The following EPHA6 variants were observed in gnomAD, a reference collection of about 807,000 sequenced individuals.
EPHA6 encodes the protein ephrin type-A receptor 6.
A neutral mutation model predicts 112.0 loss-of-function variants in EPHA6; 50 were observed. That is an observed-to-expected ratio of 0.45 (90% confidence interval 0.36 to 0.56). The LOEUF is 0.56. EPHA6 is among the 20% of genes least tolerant of loss of function. EPHA6 has a pLI of 0.00. For missense variants in EPHA6, 1,280 were observed against 1,417.4 expected (o/e 0.90, Z 1.56); for synonymous variants, 529 against 490.7 (o/e 1.08, Z -1.03).
intron 13 of EPHA6, among the ~76,000 whole-genome samples, chr3:97,623,802 C>T (rs1336917633): frequency 6.6e-6 from 1 of 151,600 alleles, no homozygotes; most frequent in South Asian, 2.1e-4. Context: ...TACATCCAAG[C>T]CATAGCAATC....
At chr3:97,216,959 T>C (rs1235586764) in intron 3 of EPHA6, among the ~76,000 whole-genome samples, 1 of 152,166 alleles carries the variant, frequency 6.6e-6, no homozygotes, top group Non-Finnish European at 1.5e-5. Flanking sequence ...ACTTCTACTA[T>C]CTGAGATAAG....
intron 2 of EPHA6, among the ~76,000 whole-genome samples, chr3:96,903,283 C>G (rs754596091): frequency 6.8e-4 from 104 of 152,074 alleles, no homozygotes; most frequent in Non-Finnish European, 1.4e-3. Context: ...GGGGCAAAGG[C>G]AAGAGTTGTA....
chr3:97,702,134 T>C (rs968458910), intron 14 of EPHA6, among the ~76,000 whole-genome samples: 15 of 152,206 alleles, frequency 9.9e-5, no homozygotes, highest in South Asian at 4.1e-4. Flanking sequence ...ATGATTGTAG[T>C]ACAAATTTTA....
At chr3:97,687,802 C>T (rs1007436160) in intron 14 of EPHA6, among the ~76,000 whole-genome samples, 10 of 152,320 alleles carry the variant, frequency 6.6e-5, no homozygotes, top group Admixed American at 5.9e-4. Flanking sequence ...GGCAGCTCTA[C>T]TTAAAATGTC....
In EPHA6 at chr3:97,751,012, T is replaced by C. The variant is rs1345756954; in HGVS notation, c.*2311T>C. ...ACTTAGAAGAAATATAAAATTTCCA[T>C]ATTTACCTATCTTCAAATATATATT... On this transcript the variant is annotated 3_prime_UTR_variant, in exon 18 of 18. Transcript: ENST00000389672. Among the ~76,000 whole-genome samples, 1 of 152,098 alleles carries C rather than the reference T, an allele frequency of 6.6e-6. No individual in the cohort carries two copies. The highest frequency in any genetic ancestry group is 2.4e-5 in the African/African-American group (1 of 41,430).
At chr3:96,985,882 G>A (rs752452289) in intron 2 of EPHA6, among the ~76,000 whole-genome samples, 3 of 152,092 alleles carry the variant, frequency 2.0e-5, no homozygotes, top group Non-Finnish European at 4.4e-5. Context: ...CCTTGATTTA[G>A]TAACTCTCTA....
intron 2 of EPHA6, among the ~76,000 whole-genome samples, chr3:96,939,248 C>G (rs141239291): frequency 0.25 from 38,510 of 151,884 alleles, 9,131 homozygotes; most frequent in African/African-American, 0.6. Context: ...GAATCTTTTT[C>G]GTTGGTAAGC....
rs538147589 is a variant in EPHA6 at position 96,830,739 on chromosome 3, TAGAA to T, written c.385+15735_385+15738del. 9.8e-4 allele frequency among the ~76,000 whole-genome samples: 149 copies of T among 152,004 alleles called. 1 individual carries two copies. Among genetic ancestry groups the T allele is most frequent in the African/African-American group, 3.3e-3 (136 of 41,490 alleles). Reference sequence around the variant, plus strand: ...TATAAATAATCTGTTTTAAAAATAATAGAAAGATTATTTGGAGAACAATTCTTAG... The same window carrying T: ...TATAAATAATCTGTTTTAAAAATAATAGATTATTTGGAGAACAATTCTTAG... On this transcript the variant is annotated intron_variant, in intron 1 of 17. Coordinates refer to ENST00000389672, the MANE Select transcript of EPHA6 (RefSeq NM_001080448.3).
At chr3:96,874,894 G>C (rs1228653899) in intron 2 of EPHA6, among the ~76,000 whole-genome samples, 1 of 152,044 alleles carries the variant, frequency 6.6e-6, no homozygotes, top group Non-Finnish European at 1.5e-5. Context: ...TCATGTGCAA[G>C]TAACAGTTCT....
chr3:97,514,019 A>T (rs1251679028), intron 10 of EPHA6, among the ~76,000 whole-genome samples: 2 of 152,206 alleles, frequency 1.3e-5, no homozygotes, highest in African/African-American at 4.8e-5. Flanking sequence ...GGAAACTAAT[A>T]TTGAGAATTT....
At chr3:97,418,776 A>G (rs2107172950) in intron 6 of EPHA6, among the ~76,000 whole-genome samples, 1 of 152,310 alleles carries the variant, frequency 6.6e-6, no homozygotes, top group South Asian at 2.1e-4. Flanking sequence ...CTGAAAAAAT[A>G]CATGTATAAA....
chr3:97,101,336 T>C (rs1235452113), intron 3 of EPHA6, among the ~76,000 whole-genome samples: 1 of 152,076 alleles, frequency 6.6e-6, no homozygotes, highest in Non-Finnish European at 1.5e-5. Context: ...TAGGATGAAC[T>C]CAACTACAAA....
intron 3 of EPHA6, among the ~76,000 whole-genome samples, chr3:97,019,589 G>A (rs2044381662): frequency 6.6e-6 from 1 of 152,090 alleles, no homozygotes; most frequent in South Asian, 2.1e-4. Flanking sequence ...ATAAGTTGGA[G>A]CAATGTTGGG....
At chr3:96,977,442 C>A (rs1248336400) in intron 2 of EPHA6, among the ~76,000 whole-genome samples, 1 of 152,056 alleles carries the variant, frequency 6.6e-6, no homozygotes, top group African/African-American at 2.4e-5. Context: ...GTGATGAGTA[C>A]ACTAAAGCCC....
At chr3:97,623,638 G>A (rs1229836514) in intron 13 of EPHA6, among the ~76,000 whole-genome samples, 1 of 151,546 alleles carries the variant, frequency 6.6e-6, no homozygotes, top group Non-Finnish European at 1.5e-5. Flanking sequence ...AGGGCAAAAA[G>A]GAGCTAGGAC....
intron 3 of EPHA6, among the ~76,000 whole-genome samples, chr3:96,992,118 T>C (rs1321991053): frequency 2.0e-5 from 3 of 152,200 alleles, no homozygotes; most frequent in African/African-American, 7.2e-5. Flanking sequence ...TTTCAACAGC[T>C]GTCTGGAAAC....
In EPHA6 at chr3:97,501,454, T is replaced by G. The variant is rs546883524; in HGVS notation, c.2200+17395T>G. ...TAACAAATTTTAAAGGCTGAGATTTTTATAGAATACATTTCTAAACAAAAT... is the reference window on the plus strand; with the variant it reads ...TAACAAATTTTAAAGGCTGAGATTTGTATAGAATACATTTCTAAACAAAAT... On this transcript the variant is annotated intron_variant, in intron 10 of 17. Transcript: ENST00000389672. Among the ~76,000 whole-genome samples the G allele has an allele frequency of 6.6e-5, 10 of 152,126 alleles. 1 individual carries two copies. Among genetic ancestry groups the G allele is most frequent in the African/African-American group, 2.4e-4 (10 of 41,498 alleles).
At chr3:97,655,767 G>C (rs1013317553) in intron 14 of EPHA6, among the ~76,000 whole-genome samples, 1 of 123,092 alleles carries the variant, frequency 8.1e-6, no homozygotes, top group Non-Finnish European at 1.7e-5. Context: ...GGAGTGGGGG[G>C]AGGGGGGAGG....
chr3:97,483,515 A>C (rs1048721040), intron 9 of EPHA6, among the ~76,000 whole-genome samples: 16 of 152,206 alleles, frequency 1.1e-4, no homozygotes, highest in Non-Finnish European at 2.1e-4. Context: ...GAGTTCATGA[A>C]ACCTAGTGCC....
Sources: gnomAD v4.1 joint callset for allele counts (sites outside exome capture counted in the v4.1 genomes callset) on GRCh38, gnomAD v4.1.1 for gene constraint, MANE v1.5 for transcripts, NCBI Gene and HGNC (gene_info 2026-07-23, HGNC 2026-07-21) for gene names.